MTERF3: variants seen among roughly 807,000 people sequenced by gnomAD.
MTERF3 encodes the protein mitochondrial transcription termination factor 3, also known as transcription termination factor 3, mitochondrial.
In MTERF3, 40 loss-of-function variants were observed where a neutral mutation model predicts 40.5. That is an observed-to-expected ratio of 0.99 (90% CI 0.77 to 1.29). The LOEUF is 1.29. Ranked by LOEUF, MTERF3 falls within the 50% of genes most tolerant of loss-of-function variation. MTERF3 has a pLI of 0.00. For synonymous variants in MTERF3, 158 were observed against 166.6 expected, an observed-to-expected ratio of 0.95 and a Z score of 0.40; for missense variants, 452 against 478.2, an observed-to-expected ratio of 0.95 and a Z score of 0.51.
At chr8:96,241,882 G>A (rs149824113) in intron 7 of MTERF3, among the ~76,000 whole-genome samples, 53 of 152,254 alleles carry the variant, frequency 3.5e-4, no homozygotes, top group Admixed American at 2.4e-3. Context: ...GGTTTCGGGG[G>A]ATCCTGAATA....
In MTERF3 at chr8:96,243,002, C is replaced by A. The variant is rs188636123; in HGVS notation, c.1059+917G>T. 4.7e-3 allele frequency among the ~76,000 whole-genome samples: 720 copies of A among 152,294 alleles called. 4 individuals are homozygous for A. Among genetic ancestry groups the A allele is most frequent in the African/African-American group, 0.016 (671 of 41,556 alleles). ...ACAAAACTGTAGGCTTCTAACACTT[C>A]TATAATGGGTATATTTACGTTTGGT... On this transcript the variant is annotated intron_variant, in intron 7 of 7. Transcript: ENST00000287025.
intron 3 of MTERF3, among the ~76,000 whole-genome samples, chr8:96,251,737 T>C (rs1810189425): frequency 1.3e-5 from 2 of 152,108 alleles, no homozygotes; most frequent in South Asian, 4.1e-4. Context: ...AACTTCTTAA[T>C]GGCATCACAC....
chr8:96,258,253 T>C (rs1365162547), intron 2 of MTERF3, 104 bp downstream of exon 2: 1 of 1,429,478 alleles, frequency 7.0e-7, no homozygotes, highest in Admixed American at 2.9e-5. Context: ...TTTTCTTTCT[T>C]GGCACAAAAT....
Position 96,258,650 on chromosome 8 carries a change from G to T in MTERF3, c.41C>A (p.Ser14Ter). 6.2e-7 allele frequency: 1 copy of T among 1,612,790 alleles called. No individual in the cohort carries two copies. Among genetic ancestry groups the T allele is most frequent in the Non-Finnish European group, 8.5e-7 (1 of 1,178,866 alleles). Residue 14 changes from serine to a stop codon, truncating the protein, a stop_gained, in exon 2 of 8, where the codon TCA becomes TAA. Coordinates refer to ENST00000287025, the MANE Select transcript of MTERF3 (RefSeq NM_015942.5). LOFTEE classifies it high-confidence loss of function. ...SAQQIPRWFN[S>*]VKLRSLINAA... Reference sequence around the variant, plus strand: ...ATTAATGAGGCTCCTCAACTTAACTGAGTTAAACCATCTGGGTATCTGTTG... The same window carrying T: ...ATTAATGAGGCTCCTCAACTTAACTTAGTTAAACCATCTGGGTATCTGTTG...
rs1458160759 is a variant in MTERF3, at chr8:96,243,939, T to G, written c.1039A>C (p.Ile347Leu). Residue 347 changes from isoleucine (I) to leucine (L), a missense_variant, in exon 7 of 8, where the codon ATC becomes CTC. Coordinates refer to ENST00000287025, the MANE Select transcript of MTERF3 (RefSeq NM_015942.5). ...ATTACCTGTGGGAACTTGACAATGATGTGGTGGGGAATGCTCATCACATTG... is the reference window on the plus strand; with the variant it reads ...ATTACCTGTGGGAACTTGACAATGAGGTGGTGGGGAATGCTCATCACATTG... ...VHNVMSIPHH[I>L]IVKFPQVFNT... The G allele has an allele frequency of 6.2e-7, 1 of 1,613,918 alleles. No individual in the cohort carries two copies. The highest frequency in any genetic ancestry group is 8.5e-7 in the Non-Finnish European group (1 of 1,179,956).
In MTERF3 at chr8:96,258,663, T is replaced by C; in HGVS notation, c.28A>G (p.Arg10Gly). The C allele has an allele frequency of 6.2e-7, 1 of 1,610,194 alleles. No individual in the cohort carries two copies. The highest frequency in any genetic ancestry group is 8.5e-7 in the Non-Finnish European group (1 of 1,176,916). MALSAQQIP[R>G]WFNSVKLRSL... ...CTCAACTTAACTGAGTTAAACCATCTGGGTATCTGTTGGGCTGACAAAGCC... is the reference window on the plus strand; with the variant it reads ...CTCAACTTAACTGAGTTAAACCATCCGGGTATCTGTTGGGCTGACAAAGCC... Residue 10 changes from arginine to glycine, a missense_variant, in exon 2 of 8, where the codon AGA becomes GGA. Coordinates refer to ENST00000287025, the MANE Select transcript of MTERF3 (RefSeq NM_015942.5).
intron 3 of MTERF3, among the ~76,000 whole-genome samples, chr8:96,252,926 G>A (rs1810212077): frequency 6.6e-6 from 1 of 152,090 alleles, no homozygotes; most frequent in South Asian, 2.1e-4. Context: ...AATAACTTGG[G>A]CTCACTTCAT....
rs1810295053 is a variant in MTERF3, at chr8:96,257,101, C to A, written c.348G>T (p.Leu116Phe). The A allele has an allele frequency of 6.2e-7, 1 of 1,610,876 alleles. No individual in the cohort carries two copies. The highest frequency in any genetic ancestry group is 8.5e-7 in the Non-Finnish European group (1 of 1,178,966). The change falls in exon 3 of 8, where the codon TTG (leucine) becomes TTT (phenylalanine). Residue 116 changes from leucine (L) to phenylalanine (F), a missense_variant. By Grantham distance (22) the Leu-to-Phe change is conservative (BLOSUM62 0). Coordinates refer to ENST00000287025, the MANE Select transcript of MTERF3 (RefSeq NM_015942.5). ...SELFLEELDE[L>F]PPLSPMQPIS... ...TTGGCTGCATTGGAGACAATGGAGG[C>A]AATTCATCCAGTTCTTTGAAAGAGA...
chr8:96,251,182 G>C (rs762452202), intron 3 of MTERF3, 87 bp from the exon 4 acceptor site: 1 of 1,046,856 alleles, frequency 9.6e-7, no homozygotes, highest in Admixed American at 3.0e-5. Flanking sequence ...ATTACTGATG[G>C]AGATCAACAC....
intron 1 of MTERF3, among the ~76,000 whole-genome samples, chr8:96,260,660 A>G (rs993597374): frequency 6.6e-6 from 1 of 152,226 alleles, no homozygotes. Context: ...ACTCACTTTC[A>G]AATTTCACCC....
chr8:96,258,246 T>C (rs1400439182), intron 2 of MTERF3, 111 bp downstream of exon 2: 6 of 1,426,578 alleles, frequency 4.2e-6, no homozygotes, highest in Non-Finnish European at 5.5e-6. Context: ...TTATTCTTTT[T>C]CTTTCTTGGC....
chr8:96,258,732 G>A, intron 1 of MTERF3, 32 bp from the exon 2 acceptor site: 19 of 1,435,162 alleles, frequency 1.3e-5, no homozygotes, highest in South Asian at 2.9e-5. Flanking sequence ...GTCAAAAGAA[G>A]AGAAATTTAA....
chr8:96,250,926 G>C lies in MTERF3; in HGVS notation c.657C>G (p.Asp219Glu), dbSNP rs748340355. 1 of 1,608,484 alleles carries C rather than the reference G, an allele frequency of 6.2e-7. No individual in the cohort carries two copies. Among genetic ancestry groups the C allele is most frequent in the Non-Finnish European group, 8.5e-7 (1 of 1,178,638 alleles). ...LTKNHAIFSE[D>E]LENLKTRVAY... Reference sequence around the variant, plus strand: ...CCTACCTGGTCTTCAGATTTTCAAGGTCTTCAGAGAAAATTGCATGATTTT... The same window carrying C: ...CCTACCTGGTCTTCAGATTTTCAAGCTCTTCAGAGAAAATTGCATGATTTT... The change falls in exon 4 of 8, where the codon GAC becomes GAG. Residue 219 changes from aspartate to glutamate, a missense_variant. Physicochemically the swap from Asp to Glu is conservative, Grantham distance 45. Coordinates refer to ENST00000287025, the MANE Select transcript of MTERF3 (RefSeq NM_015942.5).
chr8:96,249,994 G>C (rs1413832283), intron 4 of MTERF3, among the ~76,000 whole-genome samples: 3 of 152,182 alleles, frequency 2.0e-5, no homozygotes, highest in African/African-American at 7.2e-5. Flanking sequence ...GTTAACTTAG[G>C]GACAGGGGTT....
chr8:96,251,519 T>C (rs1012239571), intron 3 of MTERF3, among the ~76,000 whole-genome samples: 7 of 152,210 alleles, frequency 4.6e-5, no homozygotes, highest in Non-Finnish European at 7.3e-5. Flanking sequence ...GTTATAAGCA[T>C]TATTTAAAAA....
chr8:96,246,071 A>G (rs1586164752), intron 5 of MTERF3, 140 bp from the exon 6 acceptor site: 1 of 850,244 alleles, frequency 1.2e-6, no homozygotes, highest in South Asian at 1.8e-5. Flanking sequence ...CCAGGAATAG[A>G]TAAGATTAAT....
At chr8:96,250,691 AG>A (rs1296234686) in intron 4 of MTERF3, among the ~76,000 whole-genome samples, 1 of 24,686 alleles carries the variant, frequency 4.1e-5, no homozygotes, top group Non-Finnish European at 7.9e-5. Flanking sequence ...AAGGAGGAGG[AG>A]GAGGGGGGGA....
chr8:96,258,838 T>A, intron 1 of MTERF3, 138 bp from the exon 2 acceptor site: 2 of 642,184 alleles, frequency 3.1e-6, no homozygotes, highest in Non-Finnish European at 5.0e-6. Context: ...ATATTTAGTC[T>A]AAAATAGTGA....
At position 96,245,944 on chromosome 8, in the gene MTERF3, A is replaced by G. The variant is rs1160662226; in HGVS notation, c.826-13T>C. On this transcript the variant is annotated splice_polypyrimidine_tract_variant and intron_variant, in intron 5 of 7. Transcript: ENST00000287025. ...CCAGATCTCTAGTCTGTGGTTGCAA[A>G]CAAAACAATCTAGTATTACTATACG... The G allele has an allele frequency of 1.2e-6, 2 of 1,611,814 alleles. No individual in the cohort carries two copies. Among genetic ancestry groups the G allele is most frequent in the Non-Finnish European group, 1.7e-6 (2 of 1,178,490 alleles).
Sources: allele counts gnomAD v4.1 joint callset (sites outside exome capture counted in the v4.1 genomes callset), GRCh38; gene constraint gnomAD v4.1.1; transcripts MANE v1.5; gene names NCBI Gene and HGNC (gene_info 2026-07-23, HGNC 2026-07-21).